Variants in TSPAN9 observed in about 807,000 individuals in gnomAD.
TSPAN9 encodes the protein tetraspanin 9.
Under a neutral mutation model 31.0 loss-of-function variants are expected in TSPAN9, and 16 were observed. The ratio of observed to expected loss-of-function variants is 0.52; its 90% CI spans 0.35 to 0.78. The LOEUF (loss-of-function observed/expected upper bound fraction) is 0.78, where lower values mean the gene tolerates loss of function less well. TSPAN9 is among the 30% of genes least tolerant of loss of function. TSPAN9 has a pLI of 0.01. For synonymous variants in TSPAN9, 145 were observed against 121.6 expected (o/e 1.19, Z -1.27); for missense variants, 272 against 312.5 (o/e 0.87, Z 0.98).
At chr12:3,178,273 A>T (rs1300794875) in intron 2 of TSPAN9, among the ~76,000 whole-genome samples, 1 of 150,704 alleles carries the variant, frequency 6.6e-6, no homozygotes, top group Non-Finnish European at 1.5e-5. Flanking sequence ...ACCCATGGAG[A>T]TGAAGGGGTT....
chr12:3,235,073 G>C (rs4766077), intron 3 of TSPAN9, among the ~76,000 whole-genome samples: 1 of 144,626 alleles, frequency 6.9e-6, no homozygotes, highest in Non-Finnish European at 1.5e-5. Context: ...AGGCTGAGGC[G>C]GGAGAATGAC....
Position 3,281,765 on chromosome 12 carries a change from A to ATGACAATAAGCAC in TSPAN9, c.597_609dup (p.Val204Ter). ...TATGAAAAGGTGAAGATGTGGTTCG[A>ATGACAATAAGCAC]TGACAATAAGCACGTGCTGGGCACG... On this transcript the variant is annotated frameshift_variant, in exon 8 of 9. Transcript: ENST00000011898. LOFTEE classifies it high-confidence loss of function. The ATGACAATAAGCAC allele has an allele frequency of 6.2e-7, 1 of 1,614,022 alleles. No homozygotes were observed. Among genetic ancestry groups the ATGACAATAAGCAC allele is most frequent in the Non-Finnish European group, 8.5e-7 (1 of 1,179,900 alleles).
chr12:3,255,674 C>T (rs1018749349), intron 3 of TSPAN9, among the ~76,000 whole-genome samples: 1 of 152,210 alleles, frequency 6.6e-6, no homozygotes, highest in Admixed American at 6.5e-5. Context: ...GTGTCTAGCT[C>T]AGTAACCCAG....
At chr12:3,238,392 G>A (rs1267421480) in intron 3 of TSPAN9, among the ~76,000 whole-genome samples, 1 of 152,226 alleles carries the variant, frequency 6.6e-6, no homozygotes, top group Non-Finnish European at 1.5e-5. Flanking sequence ...ACAGTCCGCA[G>A]CTGCCAGGGG....
Position 3,283,066 on chromosome 12 carries a change from A to G in TSPAN9, c.670A>G (p.Met224Val). The G allele has an allele frequency of 6.2e-7, 1 of 1,609,254 alleles. No homozygotes were observed. The highest frequency in any genetic ancestry group is 1.7e-5 in the Admixed American group (1 of 60,014). ...IMQILGMAFSMTLFQHIHRTG... is the reference protein window; with the variant it reads ...IMQILGMAFSVTLFQHIHRTG... ...TCAGATCCTGGGCATGGCCTTCTCC[A>G]TGACCCTCTTCCAGCACATCCACCG... is the stretch of plus-strand genomic sequence containing the variant. The change falls in exon 9 of 9, where the codon ATG becomes GTG. Residue 224 changes from methionine (M) to valine (V), a missense_variant. Met to Val is a conservative substitution (Grantham distance 21). Coordinates refer to ENST00000011898, the MANE Select transcript of TSPAN9 (RefSeq NM_006675.5).
At chr12:3,102,004 G>A (rs1048735501) in intron 2 of TSPAN9, among the ~76,000 whole-genome samples, 1 of 152,194 alleles carries the variant, frequency 6.6e-6, no homozygotes, top group African/African-American at 2.4e-5. Flanking sequence ...CTCCTGAGGA[G>A]GTGTCACCCC....
intron 2 of TSPAN9, among the ~76,000 whole-genome samples, chr12:3,174,788 TAGCC>T (rs1243028336): frequency 6.7e-6 from 1 of 149,024 alleles, no homozygotes; most frequent in Non-Finnish European, 1.5e-5. Context: ...TTCACCGTGT[TAGCC>T]AGGATGGTCT....
intron 3 of TSPAN9, among the ~76,000 whole-genome samples, chr12:3,204,208 C>T (rs530895687): frequency 1.3e-5 from 2 of 152,324 alleles, no homozygotes; most frequent in Admixed American, 6.5e-5. Flanking sequence ...TAGAACTCTT[C>T]CCATAGATCC....
chr12:3,254,934 G>A (rs772119863), intron 3 of TSPAN9, among the ~76,000 whole-genome samples: 21 of 152,200 alleles, frequency 1.4e-4, no homozygotes, highest in Non-Finnish European at 2.8e-4. Flanking sequence ...TGTGTTGACT[G>A]TTGAGTGACT....
chr12:3,278,349 C>G, intron 3 of TSPAN9, 72 bp from the exon 4 acceptor site: 1 of 1,574,396 alleles, frequency 6.4e-7, no homozygotes, highest in South Asian at 1.2e-5. Context: ...GGGGTGGGGA[C>G]CTGCACTGTT....
intron 2 of TSPAN9, among the ~76,000 whole-genome samples, chr12:3,156,032 G>A (rs1218689346): frequency 6.6e-6 from 1 of 152,210 alleles, no homozygotes; most frequent in Non-Finnish European, 1.5e-5. Flanking sequence ...AACACCCAGT[G>A]TTATTTATTA....
chr12:3,176,239 G>T (rs188854790), intron 2 of TSPAN9, among the ~76,000 whole-genome samples: 16 of 152,370 alleles, frequency 1.1e-4, no homozygotes, highest in African/African-American at 3.8e-4. Flanking sequence ...GCAGTGTGCA[G>T]AGTGAGAGTC....
intron 3 of TSPAN9, among the ~76,000 whole-genome samples, chr12:3,256,708 C>T (rs776633967): frequency 1.3e-5 from 2 of 152,154 alleles, no homozygotes; most frequent in Non-Finnish European, 2.9e-5. Flanking sequence ...TTAACTCTTT[C>T]GGGGGACTAC....
chr12:3,082,791 T>C (rs2098298554), intron 1 of TSPAN9, among the ~76,000 whole-genome samples: 1 of 152,150 alleles, frequency 6.6e-6, no homozygotes, highest in African/African-American at 2.4e-5. Flanking sequence ...TGCAATGCCA[T>C]TTGCTGTTTC....
Position 3,279,123 on chromosome 12 carries a change from C to T in TSPAN9, c.330+57C>T, listed in dbSNP as rs916143461. 7.9e-6 allele frequency: 12 copies of T among 1,527,638 alleles called. No individual in the cohort carries two copies. The Admixed American group carries it at 2.0e-4, about 26-fold the overall frequency. 94.6% of individuals were successfully genotyped at this position (1,527,638 alleles called of 1,614,324 possible). ...GAATGTCACTGCCCTTAGAGTTGGG[C>T]CAAGCAGGCCAGGGTCCCTTCCCTG... is the stretch of plus-strand genomic sequence containing the variant. On this transcript the variant is annotated intron_variant, in intron 5 of 8. Coordinates refer to ENST00000011898, the MANE Select transcript of TSPAN9 (RefSeq NM_006675.5).
chr12:3,093,025 G>A (rs1457654177), intron 2 of TSPAN9, among the ~76,000 whole-genome samples: 2 of 152,250 alleles, frequency 1.3e-5, no homozygotes, highest in Non-Finnish European at 2.9e-5. Context: ...CTGATGTTCA[G>A]ATTGAACCTG....
intron 2 of TSPAN9, among the ~76,000 whole-genome samples, chr12:3,105,779 C>T (rs1488857426): frequency 1.0e-5 from 1 of 96,914 alleles, no homozygotes; most frequent in African/African-American, 2.8e-5. Context: ...CACGCACACA[C>T]GCTCATACAC....
chr12:3,226,759 TATATATATATATATATATATATATA>T (rs1286358227), intron 3 of TSPAN9, among the ~76,000 whole-genome samples: 4 of 1,610 alleles, frequency 2.5e-3, no homozygotes, highest in African/African-American at 7.2e-3. Flanking sequence ...TATATATATA[TATATATATATATATATATATATATA>T]TATATATATA....
At chr12:3,199,721 G>A (rs2098370081) in intron 2 of TSPAN9, among the ~76,000 whole-genome samples, 1 of 152,154 alleles carries the variant, frequency 6.6e-6, no homozygotes. Flanking sequence ...CGCCTTGTGT[G>A]CGCGCCCGTG....
Sources: gnomAD v4.1 joint callset for allele counts (sites outside exome capture counted in the v4.1 genomes callset) on GRCh38, gnomAD v4.1.1 for gene constraint, MANE v1.5 for transcripts, NCBI Gene and HGNC (gene_info 2026-07-23, HGNC 2026-07-21) for gene names.